TRAK1: variants seen among roughly 807,000 people sequenced by gnomAD.
TRAK1 encodes the protein trafficking kinesin-binding protein 1.
A neutral mutation model predicts 92.1 loss-of-function variants in TRAK1; 33 were observed. The ratio of observed to expected loss-of-function variants is 0.36; its 90% confidence interval spans 0.27 to 0.48. TRAK1 has a LOEUF of 0.48. TRAK1 is among the 20% of genes least tolerant of loss of function. The pLI, the probability that TRAK1 is intolerant of heterozygous loss-of-function variation, is 0.99. For synonymous variants in TRAK1, 521 were observed against 517.3 expected (o/e 1.01, Z -0.10); for missense variants, 1,123 against 1,257.9 (o/e 0.89, Z 1.62).
At chr3:42,132,644 A>G (rs1477807795) in intron 2 of TRAK1, among the ~76,000 whole-genome samples, 5 of 152,104 alleles carry the variant, frequency 3.3e-5, no homozygotes, top group Middle Eastern at 3.4e-3. Context: ...AGGCCTGACT[A>G]TATATCCTCC....
At chr3:42,108,239 C>T (rs962176743) in intron 1 of TRAK1, among the ~76,000 whole-genome samples, 1 of 151,930 alleles carries the variant, frequency 6.6e-6, no homozygotes, top group African/African-American at 2.4e-5. Context: ...GCCTGTAATC[C>T]CAGCACTTTG....
intron 1 of TRAK1, among the ~76,000 whole-genome samples, chr3:42,047,200 CTTTT>C (rs561224807): frequency 0.094 from 10,082 of 107,008 alleles, 405 homozygotes; most frequent in Non-Finnish European, 0.12. Flanking sequence ...AAAAACTGAT[CTTTT>C]TTTTTTTTTT....
At chr3:42,056,463 G>T (rs1576198848) in intron 1 of TRAK1, among the ~76,000 whole-genome samples, 2 of 152,120 alleles carry the variant, frequency 1.3e-5, no homozygotes, top group African/African-American at 4.8e-5. Context: ...TCATGTGCTT[G>T]TTGACTTTTG....
chr3:42,184,754 G>T lies in TRAK1; in HGVS notation c.433G>T (p.Glu145Ter). ...SLLKKNKTLT[E>*]RNELLEEQVE... is the part of the protein sequence containing the mutation. Reference sequence around the variant, plus strand: ...GTTGAAGAAGAACAAGACCCTAACCGAGAGGAACGAGCTGCTGGAGGAGCA... The same window carrying T: ...GTTGAAGAAGAACAAGACCCTAACCTAGAGGAACGAGCTGCTGGAGGAGCA... The change falls in exon 4 of 16, where the codon GAG becomes TAG. Residue 145 changes from glutamate (E) to a stop codon, truncating the protein, a stop_gained. Transcript: ENST00000327628. LOFTEE classifies it high-confidence loss of function. 6.2e-7 allele frequency: 1 copy of T among 1,614,124 alleles called. No homozygotes were observed. Among genetic ancestry groups the T allele is most frequent in the Non-Finnish European group, 8.5e-7 (1 of 1,180,026 alleles).
rs180893775 is a variant in TRAK1, at chr3:42,207,843, G to C, written c.1745-1924G>C. On this transcript the variant is annotated intron_variant, in intron 13 of 15. Transcript: ENST00000327628. ...AAACATCTGAGAGTTAAGAACCACA[G>C]CTCTAGAGAAAGGCTTCTCAATCCC... is the stretch of plus-strand genomic sequence containing the variant. Among the ~76,000 whole-genome samples, 8 of 152,280 alleles carry C rather than the reference G, an allele frequency of 5.3e-5. No homozygotes were observed. In the East Asian group the frequency reaches 1.4e-3, roughly 26 times the overall value.
chr3:42,203,130 A>G (rs9311310), intron 13 of TRAK1: 925,463 of 1,223,766 alleles, frequency 0.76, 351,377 homozygotes, highest in East Asian at 0.99. Context: ...GGAATGCAGA[A>G]AATTAATGCT....
At chr3:42,201,978 T>G (rs1440999284) in intron 12 of TRAK1, among the ~76,000 whole-genome samples, 1 of 151,790 alleles carries the variant, frequency 6.6e-6, no homozygotes, top group Non-Finnish European at 1.5e-5. Context: ...ATAAAATTGA[T>G]TCTTCCGGAC....
At chr3:42,035,781 CTT>C (rs1334744006) in intron 1 of TRAK1, among the ~76,000 whole-genome samples, 1 of 152,224 alleles carries the variant, frequency 6.6e-6, no homozygotes, top group African/African-American at 2.4e-5. Flanking sequence ...CTCTCCTCCC[CTT>C]GCTAAAGCCA....
chr3:42,164,643 G>A (rs1012603440), intron 2 of TRAK1, among the ~76,000 whole-genome samples: 6 of 152,206 alleles, frequency 3.9e-5, no homozygotes, highest in African/African-American at 1.2e-4. Context: ...GCTCCTGGGA[G>A]ACCAGGCAGC....
intron 1 of TRAK1, among the ~76,000 whole-genome samples, chr3:42,106,494 TAGTG>T (rs1332037952): frequency 1.3e-5 from 2 of 152,196 alleles, no homozygotes; most frequent in African/African-American, 2.4e-5. Flanking sequence ...CTGGGCAACA[TAGTG>T]AGACCTCTTC....
chr3:42,207,293 G>C (rs1287142200), intron 13 of TRAK1, among the ~76,000 whole-genome samples: 1 of 152,204 alleles, frequency 6.6e-6, no homozygotes, highest in Non-Finnish European at 1.5e-5. Context: ...TAGGTAGTGT[G>C]AATGGGAGTC....
At chr3:42,093,699 C>T (rs1307735820) in intron 1 of TRAK1, among the ~76,000 whole-genome samples, 16 of 41,986 alleles carry the variant, frequency 3.8e-4, no homozygotes, top group Admixed American at 2.4e-3. Flanking sequence ...CCCCTCCCCT[C>T]CCCTCCCCTT....
At chr3:42,205,844 G>A (rs1224366584) in intron 13 of TRAK1, among the ~76,000 whole-genome samples, 1 of 152,254 alleles carries the variant, frequency 6.6e-6, no homozygotes, top group African/African-American at 2.4e-5. Context: ...AGGACGCAAT[G>A]ACCATAGTCA....
chr3:42,172,254 A>G (rs997944505), intron 2 of TRAK1, among the ~76,000 whole-genome samples: 1 of 152,092 alleles, frequency 6.6e-6, no homozygotes. Flanking sequence ...GACATCAACT[A>G]CTGTCCCAGT....
chr3:42,187,351 G>A (rs1250668351), intron 4 of TRAK1, among the ~76,000 whole-genome samples: 2 of 152,232 alleles, frequency 1.3e-5, no homozygotes, highest in Non-Finnish European at 2.9e-5. Context: ...TCTGGCAGAA[G>A]TGAATGAATG....
intron 1 of TRAK1, among the ~76,000 whole-genome samples, chr3:42,098,736 A>T (rs1362912933): frequency 1.3e-5 from 2 of 152,210 alleles, no homozygotes; most frequent in Non-Finnish European, 2.9e-5. Context: ...TTGGAAAAGA[A>T]GGAGCGCCTA....
At chr3:42,110,254 C>T (rs549537248) in intron 1 of TRAK1, among the ~76,000 whole-genome samples, 3 of 151,650 alleles carry the variant, frequency 2.0e-5, no homozygotes, top group Admixed American at 1.3e-4. Context: ...CGGGCAGTTC[C>T]CGGCTGTGGC....
chr3:42,200,936 C>T lies in TRAK1; in HGVS notation c.1309C>T (p.Leu437Phe). 1 of 1,614,230 alleles carries T rather than the reference C, an allele frequency of 6.2e-7. No homozygotes were observed. The highest frequency in any genetic ancestry group is 8.5e-7 in the Non-Finnish European group (1 of 1,180,046). The stretch of plus-strand genomic sequence containing the variant: ...CAACCAGTCCTCGGCCATGAACTCC[C>T]TCCTGTCCAGCTGCGTCAGCACCCC... ...GSNQSSAMNSLLSSCVSTPRS... is the reference protein window; with the variant it reads ...GSNQSSAMNSFLSSCVSTPRS... Residue 437 changes from leucine to phenylalanine, a missense_variant, in exon 12 of 16, where the codon CTC (leucine) becomes TTC (phenylalanine). Transcript: ENST00000327628.
At chr3:42,155,411 A>G (rs1700426872) in intron 2 of TRAK1, among the ~76,000 whole-genome samples, 1 of 152,150 alleles carries the variant, frequency 6.6e-6, no homozygotes, top group Non-Finnish European at 1.5e-5. Context: ...GCTGTTCTTC[A>G]GTTGCTTCTG....
Sources: gnomAD v4.1 joint callset for allele counts (sites outside exome capture counted in the v4.1 genomes callset) on GRCh38, gnomAD v4.1.1 for gene constraint, MANE v1.5 for transcripts, NCBI Gene and HGNC (gene_info 2026-07-23, HGNC 2026-07-21) for gene names.